The following PIEZO2 variants were observed in gnomAD, a reference collection of about 807,000 sequenced individuals.
PIEZO2 encodes the protein piezo-type mechanosensitive ion channel component 2.
In PIEZO2, 172 loss-of-function variants were observed where a neutral mutation model predicts 337.3. The observed-to-expected ratio is 0.51, with a 90% CI of 0.45 to 0.58. The LOEUF (loss-of-function observed/expected upper bound fraction) is 0.58. Among genes scored for constraint, PIEZO2 ranks in the 20% least tolerant of loss-of-function variants. The pLI is 0.00. For missense variants in PIEZO2, 3,028 were observed against 3,391.3 expected (o/e 0.89, Z 2.66); for synonymous variants, 1,251 against 1,228.5 (o/e 1.02, Z -0.38).
rs1352393797 is a variant in PIEZO2, at chr18:10,929,730, T to C, written c.287-18502A>G. Among the ~76,000 whole-genome samples the C allele has an allele frequency of 6.6e-6, 1 of 152,214 alleles. No individual in the cohort carries two copies. On this transcript the variant is annotated intron_variant, in intron 3 of 55. Coordinates refer to ENST00000674853, the MANE Select transcript of PIEZO2 (RefSeq NM_001378183.1). This position sits in a 1 kb window ranked among gnomAD's most constrained non-coding sequence, Gnocchi z 5.6. ...GATGGACGGAATGTTAGAATGTGTA[T>C]GCTTGACCTGAGGGAGATCTTGGGT...
rs1410119777 is a variant in PIEZO2 at position 11,112,845 on chromosome 18, G to C, written c.64+35680C>G. The stretch of plus-strand genomic sequence containing the variant: ...GCTATGGAGAAGAAGGAGCAAGCCA[G>C]TCTGTGCAGAATTCAAATATCCTGA... On this transcript the variant is annotated intron_variant, in intron 1 of 55. Coordinates refer to ENST00000674853, the MANE Select transcript of PIEZO2 (RefSeq NM_001378183.1). The surrounding 1 kb of genome is among the most constrained non-coding windows in gnomAD (Gnocchi z 4.3). Among the ~76,000 whole-genome samples the C allele has an allele frequency of 6.6e-6, 1 of 152,222 alleles. No individual in the cohort carries two copies. The highest frequency in any genetic ancestry group is 1.5e-5 in the Non-Finnish European group (1 of 68,038).
chr18:10,720,361 T>TTGTG (rs2036221538), intron 36 of PIEZO2, among the ~76,000 whole-genome samples: 2 of 67,266 alleles, frequency 3.0e-5, no homozygotes, highest in Non-Finnish European at 5.8e-5. Context: ...CCTATATATA[T>TTGTG]TCTGTGTGTG....
intron 36 of PIEZO2, among the ~76,000 whole-genome samples, chr18:10,725,736 C>A (rs1176360503): frequency 6.6e-6 from 1 of 152,204 alleles, no homozygotes; most frequent in Admixed American, 6.5e-5. Context: ...TCCACAGTGG[C>A]GGCAGGGCTG....
At position 11,125,568 on chromosome 18, in the gene PIEZO2, C is replaced by A. The variant is rs866701579; in HGVS notation, c.64+22957G>T. Among the ~76,000 whole-genome samples, 1 of 152,178 alleles carries A rather than the reference C, an allele frequency of 6.6e-6. No individual in the cohort carries two copies. The highest frequency in any genetic ancestry group is 1.5e-5 in the Non-Finnish European group (1 of 68,024). ...ACATCTGCGGAAACCAAGACACACT[C>A]CATTCCAAATAAAGATTACCCTGCA... is the stretch of plus-strand genomic sequence containing the variant. On this transcript the variant is annotated intron_variant, in intron 1 of 55. Transcript: ENST00000674853. The surrounding 1 kb of genome is among the most constrained non-coding windows in gnomAD (Gnocchi z 4.4).
intron 2 of PIEZO2, among the ~76,000 whole-genome samples, chr18:11,000,500 A>T (rs550428134): frequency 1.3e-5 from 2 of 152,320 alleles, no homozygotes; most frequent in South Asian, 2.1e-4. Context: ...TAGGGGAAGG[A>T]TAGTTCAGGG....
intron 5 of PIEZO2, among the ~76,000 whole-genome samples, chr18:10,866,501 G>A (rs2042010511): frequency 2.0e-5 from 3 of 152,118 alleles, no homozygotes; most frequent in Admixed American, 1.3e-4. Flanking sequence ...TAGCCAGGAT[G>A]GTCTCAATAT....
intron 21 of PIEZO2, among the ~76,000 whole-genome samples, chr18:10,765,362 A>G (rs961964989): frequency 1.3e-5 from 2 of 152,214 alleles, no homozygotes; most frequent in African/African-American, 4.8e-5. Flanking sequence ...CCAGCGTCTT[A>G]GAGTGTCCAG....
chr18:11,032,589 A>G lies in PIEZO2; in HGVS notation c.160+33538T>C, dbSNP rs932078848. Among the ~76,000 whole-genome samples, 13 of 152,186 alleles carry G rather than the reference A, an allele frequency of 8.5e-5. No individual in the cohort carries two copies. Among genetic ancestry groups the G allele is most frequent in the African/African-American group, 2.9e-4 (12 of 41,456 alleles). ...GCAAACACAACAAATACCTCTGGAG[A>G]TTTTGAAATACAAAGGATAGGTTTG... On this transcript the variant is annotated intron_variant, in intron 2 of 55. Coordinates refer to ENST00000674853, the MANE Select transcript of PIEZO2 (RefSeq NM_001378183.1). This position sits in a 1 kb window ranked among gnomAD's most constrained non-coding sequence, Gnocchi z 4.9.
At chr18:10,753,346 C>A (rs1041634186) in intron 27 of PIEZO2, among the ~76,000 whole-genome samples, 3 of 152,332 alleles carry the variant, frequency 2.0e-5, no homozygotes, top group South Asian at 2.1e-4. Flanking sequence ...GTGATTCTGA[C>A]CAACTATCCA....
intron 3 of PIEZO2, among the ~76,000 whole-genome samples, chr18:10,976,846 G>T (rs2034458345): frequency 6.6e-6 from 1 of 152,132 alleles, no homozygotes; most frequent in Non-Finnish European, 1.5e-5. Context: ...GGCAGGTCAA[G>T]AGGCCAGCTG....
rs143208698 is a variant in PIEZO2 at position 10,788,366 on chromosome 18, G to A, written c.2169+713C>T. On this transcript the variant is annotated intron_variant, in intron 15 of 55. Transcript: ENST00000674853. ...GCAGTGAGCAATGAGCAGAGATCAC[G>A]CCACTACACTCCAGCCTAAGGGACA... is the stretch of plus-strand genomic sequence containing the variant. Among the ~76,000 whole-genome samples, 101 of 146,042 alleles carry A rather than the reference G, an allele frequency of 6.9e-4. No homozygotes were observed. In the East Asian group the frequency reaches 0.014, roughly 20 times the overall value.
At position 11,097,138 on chromosome 18, in the gene PIEZO2, T is replaced by C. The variant is rs911408415; in HGVS notation, c.65-30916A>G. Among the ~76,000 whole-genome samples the C allele has an allele frequency of 6.6e-6, 1 of 152,152 alleles. No homozygotes were observed. The highest frequency in any genetic ancestry group is 2.4e-5 in the African/African-American group (1 of 41,424). On this transcript the variant is annotated intron_variant, in intron 1 of 55. Coordinates refer to ENST00000674853, the MANE Select transcript of PIEZO2 (RefSeq NM_001378183.1). This position sits in a 1 kb window ranked among gnomAD's most constrained non-coding sequence, Gnocchi z 5.0. ...CTGCTCCATTTTCGGCAAACAGGTG[T>C]CTGCAAACTACATCCCTCCGGCTAA... is the stretch of plus-strand genomic sequence containing the variant.
chr18:10,814,980 C>T lies in PIEZO2; in HGVS notation c.918-7706G>A, dbSNP rs1378329047. ...AAAGCTAGCAATAACTGCAGCCACC[C>T]ATCGATGGTCCCTGGGGATTTAATT... On this transcript the variant is annotated intron_variant, in intron 7 of 55. Transcript: ENST00000674853. Among the ~76,000 whole-genome samples the T allele has an allele frequency of 2.0e-5, 3 of 152,320 alleles. No individual in the cohort carries two copies. In the East Asian group the frequency reaches 5.8e-4, roughly 29 times the overall value.
chr18:10,802,101 A>G (rs1283063401), intron 9 of PIEZO2, among the ~76,000 whole-genome samples: 1 of 151,572 alleles, frequency 6.6e-6, no homozygotes, highest in Non-Finnish European at 1.5e-5. Flanking sequence ...AAAAAAAAAA[A>G]AAAAAGAAAG....
Position 11,092,369 on chromosome 18 carries a change from A to G in PIEZO2, c.65-26147T>C, listed in dbSNP as rs1181433642. Among the ~76,000 whole-genome samples, 1 of 152,236 alleles carries G rather than the reference A, an allele frequency of 6.6e-6. No individual in the cohort carries two copies. The highest frequency in any genetic ancestry group is 1.5e-5 in the Non-Finnish European group (1 of 68,038). On this transcript the variant is annotated intron_variant, in intron 1 of 55. Transcript: ENST00000674853. This position sits in a 1 kb window ranked among gnomAD's most constrained non-coding sequence, Gnocchi z 4.5. ...AAATACAGAAAACTAAAAATACTATATTCCATGTGATTCAATTTTATTAAG... is the reference window on the plus strand; with the variant it reads ...AAATACAGAAAACTAAAAATACTATGTTCCATGTGATTCAATTTTATTAAG...
In PIEZO2 at chr18:10,899,864, G is replaced by A. The variant is rs1333933159; in HGVS notation, c.329+11322C>T. 6.6e-6 allele frequency among the ~76,000 whole-genome samples: 1 copy of A among 152,108 alleles called. No individual in the cohort carries two copies. The highest frequency in any genetic ancestry group is 1.5e-5 in the Non-Finnish European group (1 of 68,006). ...CTGGGAATTCAGTTTTTTAGTTCAA[G>A]AATGCACTGTTTTCTGTAGGATCTC... On this transcript the variant is annotated intron_variant, in intron 4 of 55. Coordinates refer to ENST00000674853, the MANE Select transcript of PIEZO2 (RefSeq NM_001378183.1). The surrounding 1 kb of genome is among the most constrained non-coding windows in gnomAD (Gnocchi z 4.6).
At chr18:10,955,768 TAGTA>T (rs1301384264) in intron 3 of PIEZO2, among the ~76,000 whole-genome samples, 25 of 152,254 alleles carry the variant, frequency 1.6e-4, no homozygotes, top group Non-Finnish European at 2.4e-4. Context: ...GATGTTTTCT[TAGTA>T]AGTAAGTATT....
At chr18:10,754,297 A>G (rs577060869) in intron 27 of PIEZO2, among the ~76,000 whole-genome samples, 1 of 152,238 alleles carries the variant, frequency 6.6e-6, no homozygotes, top group East Asian at 1.9e-4. Flanking sequence ...CCTAACTATC[A>G]GGGCTCTGGC....
At chr18:10,697,434 G>C (rs920385368) in intron 45 of PIEZO2, among the ~76,000 whole-genome samples, 22 of 152,204 alleles carry the variant, frequency 1.4e-4, no homozygotes, top group African/African-American at 4.8e-4. Context: ...CATTGACACT[G>C]TATTCCTCTC....
Sources: gnomAD v4.1 joint callset for allele counts (sites outside exome capture counted in the v4.1 genomes callset) on GRCh38, gnomAD v4.1.1 for gene constraint, Gnocchi (gnomAD v3.1) non-coding constraint, MANE v1.5 for transcripts, NCBI Gene and HGNC (gene_info 2026-07-23, HGNC 2026-07-21) for gene names.